Variants in SLC17A5 observed in about 807,000 individuals in gnomAD.
The protein encoded by SLC17A5 is sialin.
A neutral mutation model predicts 59.4 loss-of-function variants in SLC17A5; 47 were observed. The observed-to-expected ratio is 0.79, with a 90% confidence interval of 0.63 to 1.01. The LOEUF is 1.01. Ranked by LOEUF, SLC17A5 falls within the 50% of genes least tolerant of loss-of-function variation. SLC17A5 has a pLI of 0.00. For missense variants in SLC17A5, 522 were observed against 595.5 expected, an observed-to-expected ratio of 0.88 and a Z score of 1.28; for synonymous variants, 202 against 210.7, an observed-to-expected ratio of 0.96 and a Z score of 0.36.
intron 2 of SLC17A5, among the ~76,000 whole-genome samples, chr6:73,643,502 G>A (rs1769386679): frequency 6.6e-6 from 1 of 151,478 alleles, no homozygotes; most frequent in Admixed American, 6.6e-5. Flanking sequence ...TTGAGACGAA[G>A]TCTTGCTCTT....
intron 3 of SLC17A5, 25 bp downstream of exon 3, chr6:73,641,665 TA>T: frequency 6.6e-6 from 10 of 1,517,548 alleles, no homozygotes; most frequent in Non-Finnish European, 8.2e-6. Context: ...CGGTAAGAAG[TA>T]AAACAAGAGA....
At position 73,600,377 on chromosome 6, in the gene SLC17A5, C is replaced by T. The variant is rs74360232; in HGVS notation, c.1324G>A (p.Val442Ile). Residue 442 changes from valine (V) to isoleucine (I), a missense_variant, in exon 10 of 11, where the codon GTC becomes ATC. By Grantham distance (29) the Val-to-Ile change is conservative. Coordinates refer to ENST00000355773, the MANE Select transcript of SLC17A5 (RefSeq NM_012434.5). ...TCAGGGGTCAGACTTTTAGCAATGA[C>T]GGGCCCAACCATTCCTGGAATAGTG... ...FATIPGMVGP[V>I]IAKSLTPDNT... The T allele has an allele frequency of 6.9e-4, 1,115 of 1,613,950 alleles. 3 individuals carry two copies. The highest frequency in any genetic ancestry group is 6.2e-3 in the African/African-American group (462 of 75,016).
chr6:73,620,139 C>G (rs1768074798), intron 7 of SLC17A5, among the ~76,000 whole-genome samples: 1 of 151,692 alleles, frequency 6.6e-6, no homozygotes, highest in South Asian at 2.1e-4. Context: ...GCCAGGCTGG[C>G]CTTGAACTCC....
intron 7 of SLC17A5, chr6:73,618,489 T>C: frequency 4.1e-6 from 2 of 487,188 alleles, no homozygotes; most frequent in South Asian, 3.9e-5. Flanking sequence ...TCTTTACTCA[T>C]GCACAAACAG....
At chr6:73,620,542 A>C (rs1357333240) in intron 7 of SLC17A5, among the ~76,000 whole-genome samples, 1 of 152,180 alleles carries the variant, frequency 6.6e-6, no homozygotes, top group Non-Finnish European at 1.5e-5. Flanking sequence ...CTTGTTTTTC[A>C]GAAGTAGACA....
At chr6:73,601,290 G>A (rs1194681679) in intron 9 of SLC17A5, among the ~76,000 whole-genome samples, 2 of 141,816 alleles carry the variant, frequency 1.4e-5, no homozygotes, top group Non-Finnish European at 3.1e-5. Flanking sequence ...TGAGAAGTGA[G>A]GAGCCCCTCC....
intron 10 of SLC17A5, among the ~76,000 whole-genome samples, chr6:73,597,240 G>T (rs929934171): frequency 1.3e-5 from 2 of 151,864 alleles, no homozygotes; most frequent in African/African-American, 2.4e-5. Context: ...GGCCATGGTG[G>T]GCGGATCACG....
At chr6:73,628,785 A>AT (rs1051588418) in intron 6 of SLC17A5, among the ~76,000 whole-genome samples, 1 of 152,198 alleles carries the variant, frequency 6.6e-6, no homozygotes, top group Non-Finnish European at 1.5e-5. Context: ...TTTTTTCCAT[A>AT]TAAGTTGAAA....
intron 4 of SLC17A5, among the ~76,000 whole-genome samples, chr6:73,637,278 A>G (rs773329897): frequency 4.6e-5 from 7 of 152,146 alleles, no homozygotes; most frequent in Non-Finnish European, 8.8e-5. Flanking sequence ...CTGAGTACCT[A>G]CTCCATGCTA....
chr6:73,605,303 T>C (rs563993061), intron 9 of SLC17A5, among the ~76,000 whole-genome samples: 1 of 152,330 alleles, frequency 6.6e-6, no homozygotes, highest in South Asian at 2.1e-4. Context: ...GTAGGAAAGA[T>C]AAATTTTCTC....
At chr6:73,610,944 G>A (rs1767615031) in intron 8 of SLC17A5, among the ~76,000 whole-genome samples, 1 of 152,196 alleles carries the variant, frequency 6.6e-6, no homozygotes, top group African/African-American at 2.4e-5. Context: ...GATGAGGTTA[G>A]AATAATACTC....
At chr6:73,628,525 A>G (rs899185538) in intron 6 of SLC17A5, among the ~76,000 whole-genome samples, 1 of 152,172 alleles carries the variant, frequency 6.6e-6, no homozygotes, top group African/African-American at 2.4e-5. Context: ...GAGCTGAGAT[A>G]GTGCCACTGC....
rs764321218 is a variant in SLC17A5 at position 73,600,445 on chromosome 6, T to C, written c.1260-4A>G. 4 of 1,604,858 alleles carry C rather than the reference T, an allele frequency of 2.5e-6. No homozygotes were observed. The highest frequency in any genetic ancestry group is 2.6e-6 in the Non-Finnish European group (3 of 1,171,722). Reference sequence around the variant, plus strand: ...GCCCAGGAGGATACCAGCATACCTGTAGAAACATTTTCATAGACGTTTATT... The same window carrying C: ...GCCCAGGAGGATACCAGCATACCTGCAGAAACATTTTCATAGACGTTTATT... On this transcript the variant is annotated splice_region_variant and splice_polypyrimidine_tract_variant and intron_variant, in intron 9 of 10. Coordinates refer to ENST00000355773, the MANE Select transcript of SLC17A5 (RefSeq NM_012434.5).
chr6:73,600,637 G>A (rs1255004114), intron 9 of SLC17A5, among the ~76,000 whole-genome samples, 196 bp from the exon 10 acceptor site: 3 of 151,770 alleles, frequency 2.0e-5, no homozygotes, highest in Non-Finnish European at 2.9e-5. Flanking sequence ...GAGTAGCGGG[G>A]ACTACAGGCA....
In SLC17A5 at chr6:73,639,028, C is replaced by T. The variant is rs181557171; in HGVS notation, c.526-529G>A. On this transcript the variant is annotated intron_variant, in intron 3 of 10. Coordinates refer to ENST00000355773, the MANE Select transcript of SLC17A5 (RefSeq NM_012434.5). ...AATACTGAGCTAATATTTTGGGATACTGAAAAAAAATTCAAGCTGACAATC... is the reference window on the plus strand; with the variant it reads ...AATACTGAGCTAATATTTTGGGATATTGAAAAAAAATTCAAGCTGACAATC... Among the ~76,000 whole-genome samples the T allele has an allele frequency of 6.1e-4, 93 of 152,140 alleles. 1 individual carries two copies. Among genetic ancestry groups the T allele is most frequent in the Non-Finnish European group, 1.0e-3 (69 of 67,976 alleles).
intron 6 of SLC17A5, among the ~76,000 whole-genome samples, chr6:73,625,881 G>A (rs1318590019): frequency 6.6e-6 from 1 of 152,178 alleles, no homozygotes; most frequent in Admixed American, 6.6e-5. Context: ...TGATTTCAAT[G>A]TGCAGCAAGT....
Position 73,595,093 on chromosome 6 carries a change from T to G in SLC17A5, c.1472A>C (p.His491Pro). ...TTGGTTCCTTCAGTGTCTGTGTCCA[T>G]GGTGATCATTGAGAGCCCAGTTTTG... ...EVQNWALNDH[H>P]GHRH Residue 491 changes from histidine to proline, a missense_variant, in exon 11 of 11, where the codon CAT becomes CCT. Physicochemically the swap from His to Pro is moderately conservative, Grantham distance 77. Around this residue, in one of 3 missense-constraint regions of SLC17A5, gnomAD observed 153 missense variants for 168.5 expected, o/e 0.91. Coordinates refer to ENST00000355773, the MANE Select transcript of SLC17A5 (RefSeq NM_012434.5). 1 of 1,614,148 alleles carries G rather than the reference T, an allele frequency of 6.2e-7. No homozygotes were observed. Among genetic ancestry groups the G allele is most frequent in the Non-Finnish European group, 8.5e-7 (1 of 1,180,012 alleles).
At chr6:73,621,712 T>C (rs1214252525) in intron 7 of SLC17A5, 92 bp downstream of exon 7, 4 of 1,036,634 alleles carry the variant, frequency 3.9e-6, no homozygotes, top group Admixed American at 4.4e-5. Context: ...AAATGGAAGA[T>C]ACAGAATAAC....
At chr6:73,602,977 GA>G (rs992558947) in intron 9 of SLC17A5, among the ~76,000 whole-genome samples, 4 of 151,660 alleles carry the variant, frequency 2.6e-5, no homozygotes, top group Non-Finnish European at 5.9e-5. Flanking sequence ...TACGAAAAAA[GA>G]AAAAAATAAT....
Sources: gnomAD v4.1 joint callset for allele counts (sites outside exome capture counted in the v4.1 genomes callset) on GRCh38, gnomAD v4.1.1 for gene constraint, gnomAD v4.1.1 regional missense constraint, MANE v1.5 for transcripts, NCBI Gene and HGNC (gene_info 2026-07-23, HGNC 2026-07-21) for gene names.